PCLO: variants seen among roughly 807,000 people sequenced by gnomAD.
PCLO encodes protein piccolo.
In PCLO, 82 loss-of-function variants were observed where a neutral mutation model predicts 427.5. The observed-to-expected ratio is 0.19, with a 90% CI of 0.16 to 0.23. The LOEUF is 0.23. Ranked by LOEUF, PCLO falls within the 10% of genes least tolerant of loss-of-function variation. The pLI is 1.00. For synonymous variants in PCLO, 2,357 were observed against 2,155.4 expected, an observed-to-expected ratio of 1.09 and a Z score of -2.59; for missense variants, 6,239 against 6,115.9, an observed-to-expected ratio of 1.02 and a Z score of -0.67.
intron 3 of PCLO, among the ~76,000 whole-genome samples, chr7:83,113,977 A>C (rs1791068770): frequency 6.6e-6 from 1 of 152,136 alleles, no homozygotes. Flanking sequence ...CCTTAAAAGA[A>C]ATATATAAGG....
intron 6 of PCLO, among the ~76,000 whole-genome samples, chr7:82,928,506 G>A (rs939611486): frequency 6.6e-6 from 1 of 151,930 alleles, no homozygotes; most frequent in Non-Finnish European, 1.5e-5. Context: ...TTAGCCTCCC[G>A]AGTAGCTGGG....
At chr7:82,975,318 C>T (rs1391165137) in intron 3 of PCLO, among the ~76,000 whole-genome samples, 2 of 152,128 alleles carry the variant, frequency 1.3e-5, no homozygotes, top group East Asian at 1.9e-4. Flanking sequence ...AAACACACTG[C>T]AGCCAAATGA....
At chr7:82,793,871 A>G (rs1791159661) in intron 22 of PCLO, among the ~76,000 whole-genome samples, 1 of 152,112 alleles carries the variant, frequency 6.6e-6, no homozygotes, top group Admixed American at 6.5e-5. Context: ...TTAATTCGCT[A>G]TTTTGGTGGA....
At chr7:82,803,443 T>C (rs1184131021) in intron 21 of PCLO, among the ~76,000 whole-genome samples, 1 of 152,142 alleles carries the variant, frequency 6.6e-6, no homozygotes, top group Non-Finnish European at 1.5e-5. Flanking sequence ...GTCTTAGACT[T>C]TATATGTTAA....
chr7:82,883,030 C>T (rs1357380903), intron 9 of PCLO, among the ~76,000 whole-genome samples: 4 of 151,964 alleles, frequency 2.6e-5, no homozygotes, highest in Non-Finnish European at 5.9e-5. Flanking sequence ...TGTTTAATTT[C>T]AATACCCTCA....
chr7:82,988,917 C>T (rs1474798001), intron 3 of PCLO, among the ~76,000 whole-genome samples: 1 of 151,962 alleles, frequency 6.6e-6, no homozygotes, highest in African/African-American at 2.4e-5. Flanking sequence ...TCACCGCAAC[C>T]TCTGCCTCCC....
intron 1 of PCLO, among the ~76,000 whole-genome samples, chr7:83,158,797 T>C (rs1031941931): frequency 6.6e-6 from 1 of 152,032 alleles, no homozygotes; most frequent in African/African-American, 2.4e-5. Context: ...CCCTAAAGAC[T>C]GTCTTATAAT....
At chr7:82,892,562 C>G (rs545639011) in intron 9 of PCLO, among the ~76,000 whole-genome samples, 1,650 of 151,698 alleles carry the variant, frequency 0.011, 38 homozygotes, top group African/African-American at 0.038. Flanking sequence ...GCAACAAAAG[C>G]CAAAATTGAC....
intron 20 of PCLO, among the ~76,000 whole-genome samples, chr7:82,808,785 A>C (rs925294077): frequency 1.3e-5 from 2 of 151,926 alleles, no homozygotes; most frequent in African/African-American, 4.8e-5. Context: ...ACAACAAAAC[A>C]TCCGGTGCTG....
At position 83,021,593 on chromosome 7, in the gene PCLO, TCTTC is replaced by T. The variant is rs1788344654; in HGVS notation, c.3301-55110_3301-55107del. 2.0e-5 allele frequency among the ~76,000 whole-genome samples: 3 copies of T among 152,308 alleles called. No homozygotes were observed. The South Asian group carries it at 6.2e-4, about 32-fold the overall frequency. On this transcript the variant is annotated intron_variant, in intron 3 of 24. Transcript: ENST00000333891. Reference sequence around the variant, plus strand: ...TTGTCTCTCTCCTTCCCTCTTCCTTTCTTCCTTTCTCCCATGTGCATTTCCTGAT... The same window carrying T: ...TTGTCTCTCTCCTTCCCTCTTCCTTTCTTTCTCCCATGTGCATTTCCTGAT...
At chr7:82,805,577 G>A in intron 21 of PCLO, 111 bp downstream of exon 21, 1 of 981,208 alleles carries the variant, frequency 1.0e-6, no homozygotes, top group South Asian at 1.6e-5. Flanking sequence ...AGTGTCTCAG[G>A]GACAATGACT....
At chr7:82,897,599 A>G (rs934180324) in intron 9 of PCLO, among the ~76,000 whole-genome samples, 2 of 151,426 alleles carry the variant, frequency 1.3e-5, no homozygotes, top group Non-Finnish European at 3.0e-5. Context: ...AGGTCCTCCT[A>G]CTAAATTGTT....
At position 82,966,411 on chromosome 7, in the gene PCLO, G is replaced by A; in HGVS notation, c.3377C>T (p.Pro1126Leu). The change falls in exon 4 of 25, where the codon CCA (proline) becomes CTA (leucine). Residue 1126 changes from proline to leucine, a missense_variant. Physicochemically the swap from Pro to Leu is moderately conservative, Grantham distance 98. Coordinates refer to ENST00000333891, the MANE Select transcript of PCLO (RefSeq NM_033026.6). ...TGCTTTGGGTCCTGATGGTGCAGGT[G>A]GCATTTTGCGTATGTCTCCAAGCTG... ...SGQLGDIRKMPPAPSGPKASP... is the reference protein window; with the variant it reads ...SGQLGDIRKMLPAPSGPKASP... 1.9e-6 allele frequency: 3 copies of A among 1,613,448 alleles called. No homozygotes were observed. Among genetic ancestry groups the A allele is most frequent in the Non-Finnish European group, 2.5e-6 (3 of 1,179,716 alleles).
At chr7:82,821,029 G>T (rs747513059) in intron 20 of PCLO, 155 of 1,201,426 alleles carry the variant, frequency 1.3e-4, no homozygotes, top group Non-Finnish European at 1.6e-4. Context: ...TATTTTATCA[G>T]ACAATCTCTA....
chr7:82,908,732 G>A (rs549276268), intron 8 of PCLO, 145 bp downstream of exon 8: 23 of 684,656 alleles, frequency 3.4e-5, no homozygotes, highest in Non-Finnish European at 4.9e-5. Flanking sequence ...AGTGAGCTGT[G>A]TTACTCCTTT....
intron 21 of PCLO, among the ~76,000 whole-genome samples, chr7:82,803,608 C>T (rs535300101): frequency 5.3e-5 from 8 of 152,060 alleles, no homozygotes; most frequent in Non-Finnish European, 1.0e-4. Context: ...AACTGTGAGT[C>T]GTGTGAAGGA....
chr7:82,880,590 G>A (rs566853734), intron 9 of PCLO, among the ~76,000 whole-genome samples: 3 of 152,138 alleles, frequency 2.0e-5, no homozygotes, highest in South Asian at 2.1e-4. Context: ...GGGTATATTG[G>A]TCCATGTCTA....
At chr7:83,008,951 TA>T (rs969738159) in intron 3 of PCLO, among the ~76,000 whole-genome samples, 8 of 151,138 alleles carry the variant, frequency 5.3e-5, no homozygotes, top group Non-Finnish European at 5.9e-5. Context: ...TAAGCAAATA[TA>T]AAAAAAATCA....
At chr7:83,005,115 G>T (rs1787916039) in intron 3 of PCLO, among the ~76,000 whole-genome samples, 1 of 151,436 alleles carries the variant, frequency 6.6e-6, no homozygotes, top group Non-Finnish European at 1.5e-5. Context: ...AAAAAATTTA[G>T]AAAAGAACTA....
Sources: gnomAD v4.1 joint callset for allele counts (sites outside exome capture counted in the v4.1 genomes callset) on GRCh38, gnomAD v4.1.1 for gene constraint, MANE v1.5 for transcripts, NCBI Gene and HGNC (gene_info 2026-07-23, HGNC 2026-07-21) for gene names.